Variants in LGR5 observed in about 807,000 individuals in gnomAD.
LGR5 encodes the protein leucine rich repeat containing G protein-coupled receptor 5.
Under a neutral mutation model 76.7 loss-of-function variants are expected in LGR5, and 54 were observed. The observed-to-expected ratio is 0.70, with a 90% CI of 0.57 to 0.88. LGR5 has a LOEUF of 0.88. Ranked by LOEUF, LGR5 falls within the 40% of genes least tolerant of loss-of-function variation. The pLI, the probability that LGR5 is intolerant of heterozygous loss-of-function variation, is 0.00. For missense variants in LGR5, 1,078 were observed against 1,073.3 expected, an observed-to-expected ratio of 1.00 and a Z score of -0.06; for synonymous variants, 406 against 421.9, an observed-to-expected ratio of 0.96 and a Z score of 0.46.
Position 71,585,736 on chromosome 12 carries a change from C to T in LGR5, c.*1002C>T, listed in dbSNP as rs1317234878. 1 of 152,216 alleles carries T rather than the reference C, an allele frequency of 6.6e-6. No homozygotes were observed. Among genetic ancestry groups the T allele is most frequent in the Non-Finnish European group, 1.5e-5 (1 of 68,040 alleles). 9.4% of individuals were successfully genotyped at this position (152,216 alleles called of 1,614,324 possible). ...TAGCTCTGGCAAACCCAATATCTGA[C>T]ACCACTTTGGACTCAAGAGACTCAG... On this transcript the variant is annotated 3_prime_UTR_variant, in exon 18 of 18. Coordinates refer to ENST00000266674, the MANE Select transcript of LGR5 (RefSeq NM_003667.4).
intron 4 of LGR5, among the ~76,000 whole-genome samples, chr12:71,543,709 G>A (rs1316289401): frequency 6.6e-6 from 1 of 152,216 alleles, no homozygotes; most frequent in Admixed American, 6.5e-5. Context: ...GAAGAGATAA[G>A]AGATCAAAGG....
chr12:71,579,180 C>T (rs113166113), intron 15 of LGR5, among the ~76,000 whole-genome samples: 2 of 152,122 alleles, frequency 1.3e-5, no homozygotes, highest in African/African-American at 4.8e-5. Flanking sequence ...AGTTTGAAAA[C>T]AATTGATCCA....
intron 5 of LGR5, among the ~76,000 whole-genome samples, chr12:71,555,223 A>T (rs1001489990): frequency 2.6e-5 from 4 of 152,210 alleles, no homozygotes; most frequent in African/African-American, 9.7e-5. Flanking sequence ...AAAAATTTCT[A>T]CACTGAATTT....
At chr12:71,581,593 G>T (rs1432464291) in intron 16 of LGR5, among the ~76,000 whole-genome samples, 1 of 152,022 alleles carries the variant, frequency 6.6e-6, no homozygotes, top group African/African-American at 2.4e-5. Context: ...TGCCTTTTTT[G>T]TTTTAGGCCA....
intron 4 of LGR5, among the ~76,000 whole-genome samples, chr12:71,545,045 G>A (rs958475331): frequency 1.3e-5 from 2 of 152,254 alleles, no homozygotes; most frequent in East Asian, 3.9e-4. Flanking sequence ...GCCGAGGCAG[G>A]AGGATTGCTT....
At chr12:71,481,303 G>A (rs1183243376) in intron 1 of LGR5, among the ~76,000 whole-genome samples, 1 of 151,706 alleles carries the variant, frequency 6.6e-6, no homozygotes, top group Non-Finnish European at 1.5e-5. Context: ...GTGTCCATGT[G>A]TTCTCATTGT....
intron 1 of LGR5, among the ~76,000 whole-genome samples, chr12:71,462,339 T>TC (rs1394188546): frequency 6.6e-6 from 1 of 152,184 alleles, no homozygotes; most frequent in Non-Finnish European, 1.5e-5. Flanking sequence ...TTATCTAGTG[T>TC]CTTCATTAGC....
At chr12:71,554,578 C>T (rs987828670) in intron 5 of LGR5, among the ~76,000 whole-genome samples, 1 of 152,176 alleles carries the variant, frequency 6.6e-6, no homozygotes, top group Non-Finnish European at 1.5e-5. Flanking sequence ...AGACTGTTAT[C>T]ATTTTGTTTC....
At chr12:71,484,412 G>C (rs911317968) in intron 1 of LGR5, among the ~76,000 whole-genome samples, 3 of 152,154 alleles carry the variant, frequency 2.0e-5, no homozygotes, top group African/African-American at 7.2e-5. Context: ...TAATATTTGA[G>C]CTTTTAAATC....
chr12:71,514,231 G>A (rs1248394484), intron 2 of LGR5, among the ~76,000 whole-genome samples: 4 of 152,152 alleles, frequency 2.6e-5, no homozygotes, highest in African/African-American at 9.7e-5. Context: ...GGTTAAGGAA[G>A]ATTCCATAAA....
At chr12:71,468,871 A>G (rs1347770539) in intron 1 of LGR5, among the ~76,000 whole-genome samples, 1 of 152,022 alleles carries the variant, frequency 6.6e-6, no homozygotes, top group Non-Finnish European at 1.5e-5. Flanking sequence ...TGTCAGTGAG[A>G]ATTAGATAAA....
intron 1 of LGR5, among the ~76,000 whole-genome samples, chr12:71,450,571 AG>A (rs983140283): frequency 6.6e-6 from 1 of 152,150 alleles, no homozygotes; most frequent in Non-Finnish European, 1.5e-5. Flanking sequence ...AGCCTTCCAA[AG>A]TGCTGGGATT....
At chr12:71,525,434 G>A (rs1875946817) in intron 3 of LGR5, among the ~76,000 whole-genome samples, 1 of 149,118 alleles carries the variant, frequency 6.7e-6, no homozygotes, top group Non-Finnish European at 1.5e-5. Flanking sequence ...AAGAAGAAAT[G>A]CTTTTAAGTT....
At chr12:71,539,635 G>A (rs113580479) in intron 4 of LGR5, among the ~76,000 whole-genome samples, 59 of 152,124 alleles carry the variant, frequency 3.9e-4, no homozygotes, top group African/African-American at 1.3e-3. Context: ...CTGCCACCAC[G>A]GCTGGCTAAT....
At chr12:71,560,136 A>T (rs1272146500) in intron 7 of LGR5, among the ~76,000 whole-genome samples, 1 of 152,224 alleles carries the variant, frequency 6.6e-6, no homozygotes, top group Non-Finnish European at 1.5e-5. Flanking sequence ...GGGGTTAGGG[A>T]CAACAACCCT....
At chr12:71,488,570 G>A (rs1227467389) in intron 1 of LGR5, among the ~76,000 whole-genome samples, 1 of 152,168 alleles carries the variant, frequency 6.6e-6, no homozygotes, top group Non-Finnish European at 1.5e-5. Flanking sequence ...TCTTCACCTG[G>A]TGAAAATATA....
At chr12:71,538,712 G>A (rs1876726418) in intron 4 of LGR5, among the ~76,000 whole-genome samples, 1 of 151,918 alleles carries the variant, frequency 6.6e-6, no homozygotes, top group South Asian at 2.1e-4. Context: ...AAATAAAATT[G>A]GCTGGGCGTC....
chr12:71,532,635 C>T (rs1042272097), intron 3 of LGR5, among the ~76,000 whole-genome samples: 11 of 149,860 alleles, frequency 7.3e-5, no homozygotes, highest in African/African-American at 2.5e-4. Flanking sequence ...TAAATACTTT[C>T]ATATTTTAAT....
chr12:71,469,598 G>T (rs944068839), intron 1 of LGR5, among the ~76,000 whole-genome samples: 1 of 152,244 alleles, frequency 6.6e-6, no homozygotes, highest in Admixed American at 6.5e-5. Flanking sequence ...GCAGGAGATG[G>T]GGGTGAGGTC....
Sources: allele counts gnomAD v4.1 joint callset (sites outside exome capture counted in the v4.1 genomes callset), GRCh38; gene constraint gnomAD v4.1.1; transcripts MANE v1.5; gene names NCBI Gene and HGNC (gene_info 2026-07-23, HGNC 2026-07-21).